Variants in SPTY2D1 observed in about 807,000 individuals in gnomAD.
SPTY2D1 encodes SPT2 chromatin protein domain containing 1, also known as protein SPT2 homolog.
A neutral mutation model predicts 64.0 loss-of-function variants in SPTY2D1; 21 were observed. The observed-to-expected ratio is 0.33, with a 90% CI of 0.23 to 0.47. The LOEUF (loss-of-function observed/expected upper bound fraction) is 0.47, where lower values mean the gene tolerates loss of function less well. Among genes scored for constraint, SPTY2D1 ranks in the 20% least tolerant of loss-of-function variants. SPTY2D1 has a pLI of 1.00. For synonymous variants in SPTY2D1, 287 were observed against 286.8 expected, an observed-to-expected ratio of 1.00 and a Z score of -0.01; for missense variants, 724 against 837.2, an observed-to-expected ratio of 0.86 and a Z score of 1.67.
intron 1 of SPTY2D1, among the ~76,000 whole-genome samples, chr11:18,624,153 T>C (rs1854460356): frequency 6.6e-6 from 1 of 151,696 alleles, no homozygotes; most frequent in African/African-American, 2.4e-5. Flanking sequence ...ATGGAATATT[T>C]TAAAAGACAG....
In SPTY2D1 at chr11:18,612,005, G is replaced by A. The variant is rs1854213973; in HGVS notation, c.1886+309C>T. ...CAGACTGACCAAGAACATACAGCTT[G>A]TTTTTTCAAGAGCCAATCTACTTCT... On this transcript the variant is annotated intron_variant, in intron 4 of 5. Transcript: ENST00000336349. This position sits in a 1 kb window ranked among gnomAD's most constrained non-coding sequence, Gnocchi z 4.6. Among the ~76,000 whole-genome samples the A allele has an allele frequency of 6.6e-6, 1 of 152,052 alleles. No individual in the cohort carries two copies. The highest frequency in any genetic ancestry group is 1.5e-5 in the Non-Finnish European group (1 of 68,020).
Position 18,615,625 on chromosome 11 carries a change from G to A in SPTY2D1, c.649C>T (p.Leu217Phe). ...GGAGGTAGTTTTCCATCTGTCTCAA[G>A]TTTTTTTCTCCTATGCTTTCGTTCA... ...FLERKHRRKK[L>F]ETDGKLPPTV... Residue 217 changes from leucine to phenylalanine, a missense_variant, in exon 3 of 6, where the codon CTT (leucine) becomes TTT (phenylalanine). Transcript: ENST00000336349. 1 of 1,614,174 alleles carries A rather than the reference G, an allele frequency of 6.2e-7. No homozygotes were observed. Among genetic ancestry groups the A allele is most frequent in the Non-Finnish European group, 8.5e-7 (1 of 1,180,026 alleles).
At chr11:18,622,925 C>A (rs2134115421) in intron 1 of SPTY2D1, among the ~76,000 whole-genome samples, 1 of 151,696 alleles carries the variant, frequency 6.6e-6, no homozygotes, top group Non-Finnish European at 1.5e-5. Context: ...GTACTCCAGC[C>A]TGGGCAACAA....
intron 1 of SPTY2D1, among the ~76,000 whole-genome samples, chr11:18,617,916 T>C (rs1249675347): frequency 6.6e-6 from 1 of 152,170 alleles, no homozygotes. Flanking sequence ...CACTCCAGGC[T>C]GGACAACAGA....
At position 18,615,425 on chromosome 11, in the gene SPTY2D1, C is replaced by A. The variant is rs758213703; in HGVS notation, c.849G>T (p.Met283Ile). The change falls in exon 3 of 6, where the codon ATG (methionine) becomes ATT (isoleucine). Residue 283 changes from methionine to isoleucine, a missense_variant. Physicochemically the swap from Met to Ile is conservative, Grantham distance 10. This residue lies in a region of SPTY2D1 where 426 missense variants were observed against 431.8 expected (regional missense o/e 0.99). Transcript: ENST00000336349. ...ATCCTGCCTTGATCCTCTCTCCTGG[C>A]ATGGATTTGGATGAAGACAAAGCGA... is the stretch of plus-strand genomic sequence containing the variant. Reference protein sequence around the residue: ...KHLALSSSKSMPGERIKAGSG... With the variant: ...KHLALSSSKSIPGERIKAGSG... The A allele has an allele frequency of 1.9e-6, 3 of 1,614,158 alleles. No individual in the cohort carries two copies. Among genetic ancestry groups the A allele is most frequent in the East Asian group, 2.2e-5 (1 of 44,872 alleles).
In SPTY2D1 at chr11:18,617,494, C is replaced by T. The variant is rs1185842693; in HGVS notation, c.61-505G>A. 4.6e-5 allele frequency among the ~76,000 whole-genome samples: 7 copies of T among 151,500 alleles called. No homozygotes were observed. The East Asian group carries it at 9.7e-4, about 21-fold the overall frequency. On this transcript the variant is annotated intron_variant, in intron 1 of 5. Coordinates refer to ENST00000336349, the MANE Select transcript of SPTY2D1 (RefSeq NM_194285.3). ...ACAAAAAATTAGCTGGGCGTAGTGG[C>T]GGGTGCCTGTAATCCCAGCTACTCA...
At chr11:18,620,364 A>G (rs1391990219) in intron 1 of SPTY2D1, among the ~76,000 whole-genome samples, 2 of 152,116 alleles carry the variant, frequency 1.3e-5, no homozygotes, top group South Asian at 4.1e-4. Flanking sequence ...CTGTAGTCCC[A>G]GCCAGTTGGG....
In SPTY2D1 at chr11:18,612,605, G is replaced by C; in HGVS notation, c.1712-117C>G. The stretch of plus-strand genomic sequence containing the variant: ...GTATCCTTTAAAACCAGAGCAAGCA[G>C]GCTGGCCCTTAGCGCAGAGCCATCA... On this transcript the variant is annotated intron_variant, in intron 3 of 5. Coordinates refer to ENST00000336349, the MANE Select transcript of SPTY2D1 (RefSeq NM_194285.3). This position sits in a 1 kb window ranked among gnomAD's most constrained non-coding sequence, Gnocchi z 4.6. 1 of 913,636 alleles carries C rather than the reference G, an allele frequency of 1.1e-6. No individual in the cohort carries two copies. 56.6% of individuals were successfully genotyped at this position (913,636 alleles called of 1,614,324 possible).
rs771630584 is a variant in SPTY2D1 at position 18,615,584 on chromosome 11, C to T, written c.690G>A (p.Lys230=). The change falls in exon 3 of 6, where the codon AAG becomes AAA. Residue 230 remains lysine, a synonymous_variant. Transcript: ENST00000336349. ...DGKLPPTVSK[K]APSQKESVGT... ...CCACACTTTCTTTCTGAGAGGGTGCCTTTTTGGACACAGTTGGAGGTAGTT... is the reference window on the plus strand; with the variant it reads ...CCACACTTTCTTTCTGAGAGGGTGCTTTTTTGGACACAGTTGGAGGTAGTT... 3.1e-6 allele frequency: 5 copies of T among 1,614,166 alleles called. No individual in the cohort carries two copies. The South Asian group carries it at 5.5e-5, about 18-fold the overall frequency.
At chr11:18,611,368 C>A (rs1297340962) in intron 5 of SPTY2D1, 109 bp downstream of exon 5, 2 of 970,050 alleles carry the variant, frequency 2.1e-6, no homozygotes, top group African/African-American at 1.6e-5. Flanking sequence ...GGATTGGAAT[C>A]CAGAATTCTC....
At chr11:18,610,043 C>T (rs1854173262) in intron 5 of SPTY2D1, 89 bp from the exon 6 acceptor site, 1 of 1,190,274 alleles carries the variant, frequency 8.4e-7, no homozygotes, top group African/African-American at 1.5e-5. Flanking sequence ...TGGGAGCTCA[C>T]ATGGATTGTG....
intron 1 of SPTY2D1, among the ~76,000 whole-genome samples, chr11:18,622,101 A>AAAAC (rs1554988500): frequency 1.2e-5 from 1 of 81,396 alleles, no homozygotes; most frequent in Non-Finnish European, 2.9e-5. Flanking sequence ...AAAAAAAAAA[A>AAAAC]AAACCAAAAC....
chr11:18,620,181 AC>A (rs1429161983), intron 1 of SPTY2D1, among the ~76,000 whole-genome samples: 1 of 152,202 alleles, frequency 6.6e-6, no homozygotes, highest in Admixed American at 6.5e-5. Context: ...ATTTAAAAAA[AC>A]ATACAGAGTT....
rs201551922 is a variant in SPTY2D1 at position 18,606,743 on chromosome 11, T to G, written c.*3118A>C. The G allele has an allele frequency of 1.6e-4, 64 of 398,576 alleles. No homozygotes were observed. The highest frequency in any genetic ancestry group is 2.9e-4 in the Non-Finnish European group (60 of 209,188). 24.7% of individuals were successfully genotyped at this position (398,576 alleles called of 1,614,324 possible). On this transcript the variant is annotated 3_prime_UTR_variant, in exon 6 of 6. Transcript: ENST00000336349. ...TATTCTCTTTCCAAACATGTTTTGGTCTCCTGCTATATCTCAGAAATTTAC... is the reference window on the plus strand; with the variant it reads ...TATTCTCTTTCCAAACATGTTTTGGGCTCCTGCTATATCTCAGAAATTTAC...
Position 18,612,769 on chromosome 11 carries a change from C to CTTT in SPTY2D1, c.1712-284_1712-282dup, listed in dbSNP as rs749489129. Reference sequence around the variant, plus strand: ...TAAGATCAGTAAAATTTCTTTCTTTCTTTTTTTTTTTTTTGAGACAGAGTT... The same window carrying CTTT: ...TAAGATCAGTAAAATTTCTTTCTTTCTTTTTTTTTTTTTTTTTGAGACAGAGTT... On this transcript the variant is annotated intron_variant, in intron 3 of 5. Coordinates refer to ENST00000336349, the MANE Select transcript of SPTY2D1 (RefSeq NM_194285.3). This position sits in a 1 kb window ranked among gnomAD's most constrained non-coding sequence, Gnocchi z 4.6. Among the ~76,000 whole-genome samples the CTTT allele has an allele frequency of 7.0e-6, 1 of 143,056 alleles. No homozygotes were observed. Among genetic ancestry groups the CTTT allele is most frequent in the East Asian group, 2.0e-4 (1 of 4,990 alleles). 93.9% of individuals were successfully genotyped at this position (143,056 alleles called of 152,430 possible).
Position 18,606,775 on chromosome 11 carries a change from C to G in SPTY2D1, c.*3086G>C. On this transcript the variant is annotated 3_prime_UTR_variant, in exon 6 of 6. Transcript: ENST00000336349. ...CTATATCTCAGAAATTTACCAATAG[C>G]TGCTTTTAAGTTACAAAATACAAAA... The G allele has an allele frequency of 2.6e-6, 1 of 388,480 alleles. No individual in the cohort carries two copies. The highest frequency in any genetic ancestry group is 4.9e-6 in the Non-Finnish European group (1 of 204,386). The allele number at this position is 388,480 out of a possible 1,614,324, so 24.1% of individuals were successfully genotyped here.
rs552161407 is a variant in SPTY2D1, at chr11:18,622,503, G to C, written c.61-5514C>G. ...GATTGTGCCACTGTACCCCAGCCTG[G>C]GTGACAGAGCAAGACTCTGTCTCAA... On this transcript the variant is annotated intron_variant, in intron 1 of 5. Transcript: ENST00000336349. Among the ~76,000 whole-genome samples, 7 of 152,098 alleles carry C rather than the reference G, an allele frequency of 4.6e-5. No individual in the cohort carries two copies. In the South Asian group the frequency reaches 1.5e-3, roughly 32 times the overall value.
rs752071212 is a variant in SPTY2D1 at position 18,616,111 on chromosome 11, A to C, written c.176-13T>G. ...TTCTCCTCTAAGGCTAAAAGGGACA[A>C]AACAAGAATATGTTATTACTTCGAG... On this transcript the variant is annotated splice_polypyrimidine_tract_variant and intron_variant, in intron 2 of 5. Transcript: ENST00000336349. The C allele has an allele frequency of 2.5e-6, 4 of 1,575,606 alleles. No individual in the cohort carries two copies. The highest frequency in any genetic ancestry group is 3.4e-6 in the Non-Finnish European group (4 of 1,162,290).
chr11:18,623,268 T>G (rs781754535), intron 1 of SPTY2D1, among the ~76,000 whole-genome samples: 5 of 152,196 alleles, frequency 3.3e-5, no homozygotes, highest in Admixed American at 6.5e-5. Context: ...CCACAGAGTA[T>G]AACCAACACC....
Sources: allele counts gnomAD v4.1 joint callset (sites outside exome capture counted in the v4.1 genomes callset), GRCh38; gene constraint gnomAD v4.1.1; regional missense constraint gnomAD v4.1.1; non-coding constraint Gnocchi (gnomAD v3.1); transcripts MANE v1.5; gene names NCBI Gene and HGNC (gene_info 2026-07-23, HGNC 2026-07-21).